The following CSMD1 variants were observed in gnomAD, a reference collection of about 807,000 sequenced individuals.
The protein encoded by CSMD1 is CUB and sushi domain-containing protein 1.
Under a neutral mutation model 417.5 loss-of-function variants are expected in CSMD1, and 213 were observed. The ratio of observed to expected loss-of-function variants is 0.51; its 90% CI spans 0.46 to 0.57. The LOEUF is 0.57. Ranked by LOEUF, CSMD1 falls within the 20% of genes least tolerant of loss-of-function variation. CSMD1 has a pLI of 0.00. For missense variants in CSMD1, 6,923 were observed against 4,529.7 expected (o/e 1.53, Z -15.17); for synonymous variants, 2,862 against 1,736.8 (o/e 1.65, Z -16.11).
intron 1 of CSMD1, among the ~76,000 whole-genome samples, chr8:4,755,962 A>C (rs1428187496): frequency 6.6e-6 from 1 of 152,216 alleles, no homozygotes; most frequent in Non-Finnish European, 1.5e-5. Context: ...TTGTATTATT[A>C]ACAAAATCAA....
intron 23 of CSMD1, among the ~76,000 whole-genome samples, chr8:3,329,692 C>G (rs1418304756): frequency 6.6e-6 from 1 of 152,140 alleles, no homozygotes; most frequent in East Asian, 1.9e-4. Context: ...GTTGCCCAGC[C>G]CCGGGGCCGC....
chr8:4,344,880 C>T (rs17069983), intron 3 of CSMD1, among the ~76,000 whole-genome samples: 4,002 of 152,182 alleles, frequency 0.026, 170 homozygotes, highest in African/African-American at 0.091. Flanking sequence ...ATAAGGACAA[C>T]TCAAATACGT....
intron 5 of CSMD1, among the ~76,000 whole-genome samples, chr8:3,885,873 C>A (rs1360544377): frequency 1.3e-5 from 2 of 152,096 alleles, no homozygotes. Context: ...TGCTCTTTTG[C>A]TAAATTTTTC....
At chr8:3,102,777 A>G (rs1815853841) in intron 46 of CSMD1, among the ~76,000 whole-genome samples, 1 of 152,186 alleles carries the variant, frequency 6.6e-6, no homozygotes, top group African/African-American at 2.4e-5. Context: ...GTTAAATATT[A>G]AAAGCTGTAA....
At position 2,936,634 on chromosome 8, in the gene CSMD1, C is replaced by T. The variant is rs1246909504; in HGVS notation, c.*1951G>A. 1 of 152,210 alleles carries T rather than the reference C, an allele frequency of 6.6e-6. No individual in the cohort carries two copies. Among genetic ancestry groups the T allele is most frequent in the Non-Finnish European group, 1.5e-5 (1 of 68,056 alleles). 9.4% of individuals were successfully genotyped at this position (152,210 alleles called of 1,614,324 possible). ...AGAATTCAGCATAATGATACAGAAT[C>T]CAACAGCGTGGGGTTCACAAGACAA... On this transcript the variant is annotated 3_prime_UTR_variant, in exon 70 of 70. Transcript: ENST00000635120.
At chr8:4,162,736 T>TA (rs1010412544) in intron 3 of CSMD1, among the ~76,000 whole-genome samples, 3 of 152,302 alleles carry the variant, frequency 2.0e-5, no homozygotes, top group Middle Eastern at 3.4e-3. Context: ...TCGATGAACT[T>TA]ACATTGGTAA....
intron 7 of CSMD1, among the ~76,000 whole-genome samples, chr8:3,619,504 G>T (rs1437258846): frequency 3.9e-5 from 6 of 151,982 alleles, no homozygotes; most frequent in Non-Finnish European, 7.4e-5. Context: ...GCTAGACAAT[G>T]AATTTACAAC....
intron 25 of CSMD1, among the ~76,000 whole-genome samples, chr8:3,290,336 TAA>T (rs1803457593): frequency 6.8e-6 from 1 of 146,826 alleles, no homozygotes; most frequent in South Asian, 2.1e-4. Context: ...ATATGAACTT[TAA>T]AGTAGTTTTT....
At chr8:4,063,326 G>A (rs1165523063) in intron 3 of CSMD1, among the ~76,000 whole-genome samples, 1 of 151,728 alleles carries the variant, frequency 6.6e-6, no homozygotes. Flanking sequence ...ATAATTTAAA[G>A]ATAAAATAAA....
At chr8:4,035,261 T>A (rs1244821499) in intron 3 of CSMD1, among the ~76,000 whole-genome samples, 1 of 152,132 alleles carries the variant, frequency 6.6e-6, no homozygotes, top group Non-Finnish European at 1.5e-5. Context: ...GTGCAGCCAG[T>A]CATACAAATC....
intron 1 of CSMD1, among the ~76,000 whole-genome samples, chr8:4,774,281 C>T (rs549083107): frequency 1.6e-4 from 25 of 152,226 alleles, no homozygotes; most frequent in Non-Finnish European, 2.9e-4. Flanking sequence ...ATTAACAGTG[C>T]AGTTTGAATC....
intron 3 of CSMD1, among the ~76,000 whole-genome samples, chr8:4,040,649 C>T (rs183655063): frequency 3.3e-5 from 5 of 152,126 alleles, no homozygotes; most frequent in African/African-American, 1.2e-4. Flanking sequence ...GAGGGCACAA[C>T]CATAACATAG....
chr8:4,582,964 G>T (rs1201920555), intron 2 of CSMD1, among the ~76,000 whole-genome samples: 3 of 152,222 alleles, frequency 2.0e-5, no homozygotes, highest in East Asian at 1.9e-4. Flanking sequence ...GAGGGACATA[G>T]CACCCGGGCC....
At position 3,308,481 on chromosome 8, in the gene CSMD1, C is replaced by G. The variant is rs760147993; in HGVS notation, c.3654G>C (p.Glu1218Asp). 6.2e-6 allele frequency: 10 copies of G among 1,612,856 alleles called. No individual in the cohort carries two copies. The East Asian group carries it at 1.6e-4, about 25-fold the overall frequency. Residue 1218 changes from glutamate (E) to aspartate (D), a missense_variant, in exon 24 of 70, where the codon GAG (glutamate) becomes GAC (aspartate). Physicochemically the swap from Glu to Asp is conservative, Grantham distance 45 (BLOSUM62 2). Transcript: ENST00000635120. ...TYTSFDLVKCEDPGIPNYGYR... is the reference protein window; with the variant it reads ...TYTSFDLVKCDDPGIPNYGYR... ...AGCCGTAGTTAGGGATGCCCGGATC[C>G]TCACATTTTACCAGATCAAAACCTG...
Position 3,792,428 on chromosome 8 carries a change from A to G in CSMD1, c.819-38386T>C, listed in dbSNP as rs569500519. 4.1e-4 allele frequency among the ~76,000 whole-genome samples: 63 copies of G among 152,376 alleles called. 2 individuals carry two copies. In the South Asian group the frequency reaches 0.012, roughly 30 times the overall value. ...ATGACATATATATTTGGTTATAAAA[A>G]CAAAGGCAAAACTGAACAAGATGAG... On this transcript the variant is annotated intron_variant, in intron 5 of 69. Transcript: ENST00000635120.
rs58032913 is a variant in CSMD1 at position 3,952,106 on chromosome 8, G to A, written c.818+45797C>T. On this transcript the variant is annotated intron_variant, in intron 5 of 69. Coordinates refer to ENST00000635120, the MANE Select transcript of CSMD1 (RefSeq NM_033225.6). ...AATAAAAATCTTTAAATTTCCGACA[G>A]AAAGAACAAATTATTTAAGTAGTGG... 7.2e-5 allele frequency among the ~76,000 whole-genome samples: 11 copies of A among 152,196 alleles called. No homozygotes were observed. The East Asian group carries it at 1.4e-3, about 19-fold the overall frequency.
chr8:4,066,356 G>A (rs1799247844), intron 3 of CSMD1, among the ~76,000 whole-genome samples: 1 of 152,170 alleles, frequency 6.6e-6, no homozygotes, highest in Non-Finnish European at 1.5e-5. Flanking sequence ...TTGTATGTGT[G>A]TATTTCTAAG....
At chr8:4,436,494 G>A (rs1798156485) in intron 2 of CSMD1, among the ~76,000 whole-genome samples, 1 of 151,880 alleles carries the variant, frequency 6.6e-6, no homozygotes, top group South Asian at 2.1e-4. Flanking sequence ...CAGGTTGAGG[G>A]GTATCTCTCC....
At chr8:4,808,653 G>A (rs1223252261) in intron 1 of CSMD1, among the ~76,000 whole-genome samples, 5 of 152,142 alleles carry the variant, frequency 3.3e-5, no homozygotes, top group Non-Finnish European at 4.4e-5. Flanking sequence ...ACAGCCTTTG[G>A]ACAATCGGTT....
Sources: allele counts gnomAD v4.1 joint callset (sites outside exome capture counted in the v4.1 genomes callset), GRCh38; gene constraint gnomAD v4.1.1; transcripts MANE v1.5; gene names NCBI Gene and HGNC (gene_info 2026-07-23, HGNC 2026-07-21).